Variants in FAT3 observed in about 807,000 individuals in gnomAD.
FAT3 encodes FAT atypical cadherin 3.
Under a neutral mutation model 310.2 loss-of-function variants are expected in FAT3, and 95 were observed. That is an observed-to-expected ratio of 0.31 (90% CI 0.26 to 0.36). FAT3 has a LOEUF of 0.36. Among genes scored for constraint, FAT3 ranks in the 10% least tolerant of loss-of-function variants. The pLI, the probability that FAT3 is intolerant of heterozygous loss-of-function variation, is 1.00. For synonymous variants in FAT3, 2,314 were observed against 2,192.9 expected, an observed-to-expected ratio of 1.06 and a Z score of -1.54; for missense variants, 5,408 against 5,715.6, an observed-to-expected ratio of 0.95 and a Z score of 1.74.
intron 1 of FAT3, among the ~76,000 whole-genome samples, chr11:92,299,157 A>G: frequency 6.6e-6 from 1 of 152,072 alleles, no homozygotes; most frequent in East Asian, 1.9e-4. Flanking sequence ...CAAAGTCCAG[A>G]GACAGAAGGA....
At chr11:92,285,345 T>C (rs1946534071) in intron 1 of FAT3, among the ~76,000 whole-genome samples, 1 of 152,198 alleles carries the variant, frequency 6.6e-6, no homozygotes, top group Admixed American at 6.5e-5. Context: ...CTATTACTTA[T>C]TGATGTATTA....
chr11:92,848,536 T>C (rs981765899), intron 19 of FAT3, among the ~76,000 whole-genome samples: 4 of 152,234 alleles, frequency 2.6e-5, no homozygotes, highest in African/African-American at 9.6e-5. Flanking sequence ...CATTCAAAAA[T>C]CTAATACATA....
chr11:92,885,873 A>G (rs1466908775), intron 24 of FAT3, among the ~76,000 whole-genome samples: 2 of 152,192 alleles, frequency 1.3e-5, no homozygotes, highest in Admixed American at 1.3e-4. Context: ...TCTCCCTGGC[A>G]TATCTCTCCA....
chr11:92,629,486 G>T (rs985119325), intron 3 of FAT3, among the ~76,000 whole-genome samples: 1 of 149,530 alleles, frequency 6.7e-6, no homozygotes, highest in East Asian at 2.0e-4. Flanking sequence ...CTGGAGTATG[G>T]CCTCAAACTC....
intron 2 of FAT3, among the ~76,000 whole-genome samples, chr11:92,372,267 T>C (rs536279549): frequency 1.1e-4 from 17 of 152,124 alleles, no homozygotes; most frequent in South Asian, 2.1e-4. Flanking sequence ...GAGTACTGGA[T>C]TGGGGGGCTT....
At chr11:92,512,529 A>G (rs948479149) in intron 2 of FAT3, among the ~76,000 whole-genome samples, 47 of 147,348 alleles carry the variant, frequency 3.2e-4, no homozygotes, top group African/African-American at 1.1e-3. Context: ...AAATATATAT[A>G]AATTATATTT....
intron 3 of FAT3, among the ~76,000 whole-genome samples, chr11:92,594,549 A>G (rs1022868754): frequency 2.0e-5 from 3 of 152,156 alleles, no homozygotes; most frequent in African/African-American, 7.2e-5. Flanking sequence ...TTAGTCATTC[A>G]TTTATTTATT....
Position 92,355,068 on chromosome 11 carries a change from G to C in FAT3, c.2956G>C (p.Asp986His). ...VNDYNGRFEIDKASGAIRLSK... is the reference protein window; with the variant it reads ...VNDYNGRFEIHKASGAIRLSK... ...TGACTATAATGGGAGATTTGAAATAGATAAAGCAAGTGGTGCCATCCGCTT... is the reference window on the plus strand; with the variant it reads ...TGACTATAATGGGAGATTTGAAATACATAAAGCAAGTGGTGCCATCCGCTT... The change falls in exon 2 of 28, where the codon GAT becomes CAT. Residue 986 changes from aspartate (D) to histidine (H), a missense_variant. By Grantham distance (81) the Asp-to-His change is moderately conservative. This residue lies in a region of FAT3 where 4,588 missense variants were observed against 4,809.8 expected (regional missense o/e 0.95). Transcript: ENST00000525166. 4 of 1,613,726 alleles carry C rather than the reference G, an allele frequency of 2.5e-6. No individual in the cohort carries two copies. The highest frequency in any genetic ancestry group is 3.4e-6 in the Non-Finnish European group (4 of 1,179,844).
At chr11:92,288,855 C>A (rs2134387237) in intron 1 of FAT3, among the ~76,000 whole-genome samples, 1 of 152,236 alleles carries the variant, frequency 6.6e-6, no homozygotes, top group East Asian at 1.9e-4. Context: ...TCTAGGCTGG[C>A]TGGACCACAC....
intron 2 of FAT3, among the ~76,000 whole-genome samples, chr11:92,521,754 A>G (rs1262791141): frequency 6.6e-6 from 1 of 152,168 alleles, no homozygotes; most frequent in African/African-American, 2.4e-5. Flanking sequence ...CTTATCTTTA[A>G]GAGATAATTA....
intron 2 of FAT3, among the ~76,000 whole-genome samples, chr11:92,397,259 A>C (rs1382769076): frequency 6.6e-6 from 1 of 152,162 alleles, no homozygotes; most frequent in Non-Finnish European, 1.5e-5. Flanking sequence ...ACTAAGCAGT[A>C]CATTTGCCCA....
chr11:92,325,800 T>G (rs1947747652), intron 1 of FAT3, among the ~76,000 whole-genome samples: 1 of 152,088 alleles, frequency 6.6e-6, no homozygotes, highest in African/African-American at 2.4e-5. Flanking sequence ...CCCAGCTAAT[T>G]TTTGTATTTT....
At chr11:92,601,576 G>T (rs1313139145) in intron 3 of FAT3, among the ~76,000 whole-genome samples, 1 of 152,110 alleles carries the variant, frequency 6.6e-6, no homozygotes, top group Non-Finnish European at 1.5e-5. Flanking sequence ...CAGCCTGGAT[G>T]ACCGAGTAAG....
chr11:92,234,337 T>A (rs1306954951), intron 1 of FAT3, among the ~76,000 whole-genome samples: 1 of 152,078 alleles, frequency 6.6e-6, no homozygotes, highest in Admixed American at 6.6e-5. Flanking sequence ...AATGAAAGAG[T>A]TTGACCTTCT....
intron 2 of FAT3, among the ~76,000 whole-genome samples, chr11:92,507,751 C>A (rs1953162536): frequency 1.3e-5 from 2 of 151,612 alleles, no homozygotes; most frequent in African/African-American, 2.4e-5. Flanking sequence ...TACATACACA[C>A]CCTATATATA....
At chr11:92,226,437 T>G (rs1863911560) in intron 1 of FAT3, among the ~76,000 whole-genome samples, 1 of 151,016 alleles carries the variant, frequency 6.6e-6, no homozygotes, top group Admixed American at 6.6e-5. Context: ...GGGGCAAGGA[T>G]GCAGGGGTGG....
intron 3 of FAT3, among the ~76,000 whole-genome samples, chr11:92,578,400 C>T (rs1207315725): frequency 6.6e-6 from 1 of 151,972 alleles, no homozygotes; most frequent in East Asian, 1.9e-4. Context: ...CCTACTTGAC[C>T]CTGTGGGTCA....
intron 3 of FAT3, among the ~76,000 whole-genome samples, chr11:92,691,542 CCTGT>C (rs1248198215): frequency 1.3e-5 from 2 of 151,926 alleles, no homozygotes; most frequent in Non-Finnish European, 2.9e-5. Context: ...ACTATAGGTG[CCTGT>C]CTAATTATTA....
At chr11:92,514,895 A>G (rs1437136741) in intron 2 of FAT3, among the ~76,000 whole-genome samples, 4 of 152,140 alleles carry the variant, frequency 2.6e-5, no homozygotes, top group Non-Finnish European at 5.9e-5. Context: ...TTTTTGTCTC[A>G]GTGTGAAGAA....
Sources: gnomAD v4.1 joint callset for allele counts (sites outside exome capture counted in the v4.1 genomes callset) on GRCh38, gnomAD v4.1.1 for gene constraint, gnomAD v4.1.1 regional missense constraint, MANE v1.5 for transcripts, NCBI Gene and HGNC (gene_info 2026-07-23, HGNC 2026-07-21) for gene names.